CHEK1: variants seen among roughly 807,000 people sequenced by gnomAD.
The protein encoded by CHEK1 is serine/threonine-protein kinase Chk1.
A neutral mutation model predicts 60.2 loss-of-function variants in CHEK1; 32 were observed. The observed-to-expected ratio is 0.53, with a 90% CI of 0.40 to 0.71. The LOEUF (loss-of-function observed/expected upper bound fraction) is 0.71, where lower values mean the gene tolerates loss of function less well. CHEK1 is among the 30% of genes least tolerant of loss of function. CHEK1 has a pLI of 0.00. For synonymous variants in CHEK1, 179 were observed against 187.2 expected (o/e 0.96, Z 0.36); for missense variants, 399 against 564.6 (o/e 0.71, Z 2.97).
intron 9 of CHEK1, 66 bp downstream of exon 9, chr11:125,643,966 GTGT>G (rs1380296069): frequency 6.5e-7 from 1 of 1,528,826 alleles, no homozygotes; most frequent in African/African-American, 1.4e-5. Flanking sequence ...ATACATGTAT[GTGT>G]TTTTTCATAA....
chr11:125,672,633 AT>A, intron 13 of CHEK1: 2 of 1,614,148 alleles, frequency 1.2e-6, no homozygotes, highest in Non-Finnish European at 1.7e-6. Context: ...ACAGCATATA[AT>A]TTGCATCCTC....
chr11:125,667,116 T>C (rs1359194425), intron 13 of CHEK1, among the ~76,000 whole-genome samples: 1 of 152,162 alleles, frequency 6.6e-6, no homozygotes, highest in Non-Finnish European at 1.5e-5. Flanking sequence ...GCAGTAAGCA[T>C]AGTACCCAAC....
At chr11:125,676,298 C>G, downstream of CHEK1, 1 of 1,593,876 alleles carries the variant, frequency 6.3e-7, no homozygotes, top group Non-Finnish European at 8.6e-7. Flanking sequence ...CCAACTGCCC[C>G]CTACCAGAAG....
At chr11:125,660,449 C>G (rs1454285111), downstream of CHEK1, among the ~76,000 whole-genome samples, 1 of 152,052 alleles carries the variant, frequency 6.6e-6, no homozygotes. Flanking sequence ...TACACTCAAG[C>G]TCCTAGGCTC....
intron 13 of CHEK1, among the ~76,000 whole-genome samples, chr11:125,668,230 G>A (rs763832465): frequency 3.9e-5 from 6 of 152,076 alleles, no homozygotes; most frequent in Non-Finnish European, 7.4e-5. Flanking sequence ...GATCATGCAT[G>A]GTTTTCATGT....
chr11:125,629,386 C>G lies in CHEK1; in HGVS notation c.355-5C>G, dbSNP rs1290960840. The G allele has an allele frequency of 1.2e-6, 2 of 1,613,752 alleles. No individual in the cohort carries two copies. Among genetic ancestry groups the G allele is most frequent in the Non-Finnish European group, 1.7e-6 (2 of 1,179,730 alleles). On this transcript the variant is annotated splice_polypyrimidine_tract_variant and splice_region_variant and intron_variant, in intron 4 of 12. Coordinates refer to ENST00000438015, the MANE Select transcript of CHEK1 (RefSeq NM_001114122.3). Reference sequence around the variant, plus strand: ...CTAGTGTGTTTCTCTCTGCATCCCTCTTAGGTTTATCTGCATGGTATTGGA... The same window carrying G: ...CTAGTGTGTTTCTCTCTGCATCCCTGTTAGGTTTATCTGCATGGTATTGGA...
chr11:125,629,156 A>C, intron 3 of CHEK1, 76 bp from the exon 4 acceptor site: 1 of 1,420,560 alleles, frequency 7.0e-7, no homozygotes, highest in Non-Finnish European at 9.9e-7. Flanking sequence ...TAAATGTCTA[A>C]GCTTCAAATT....
At chr11:125,662,802 C>T (rs528578057) in intron 13 of CHEK1, among the ~76,000 whole-genome samples, 2 of 152,292 alleles carry the variant, frequency 1.3e-5, no homozygotes, top group East Asian at 3.9e-4. Context: ...AAAACTGCCA[C>T]TCATTTCCAG....
chr11:125,638,228 C>T (rs1244493419), intron 8 of CHEK1, among the ~76,000 whole-genome samples: 1 of 152,134 alleles, frequency 6.6e-6, no homozygotes, highest in Non-Finnish European at 1.5e-5. Flanking sequence ...AAATATTTCT[C>T]TGACTTCCTT....
At position 125,635,475 on chromosome 11, in the gene CHEK1, C is replaced by T. The variant is rs1445875437; in HGVS notation, c.660C>T (p.Asp220=). The change falls in exon 7 of 13, where the codon GAC becomes GAT. Residue 220 remains aspartate, a synonymous_variant. Coordinates refer to ENST00000438015, the MANE Select transcript of CHEK1 (RefSeq NM_001114122.3). ...QPSDSCQEYS[D]WKEKKTYLNP... ...GTGACAGCTGTCAGGAGTATTCTGACTGGAAAGAAAAAAAAACATACCTCA... is the reference window on the plus strand; with the variant it reads ...GTGACAGCTGTCAGGAGTATTCTGATTGGAAAGAAAAAAAAACATACCTCA... 6.2e-7 allele frequency: 1 copy of T among 1,606,778 alleles called. No homozygotes were observed. The highest frequency in any genetic ancestry group is 2.2e-5 in the East Asian group (1 of 44,612).
chr11:125,646,106 C>A (rs936929563), intron 11 of CHEK1, among the ~76,000 whole-genome samples: 4 of 151,992 alleles, frequency 2.6e-5, no homozygotes, highest in Non-Finnish European at 4.4e-5. Context: ...GAAAAAAAAA[C>A]AAAACACCTC....
At chr11:125,648,938 C>T (rs1941607955) in intron 11 of CHEK1, among the ~76,000 whole-genome samples, 1 of 152,104 alleles carries the variant, frequency 6.6e-6, no homozygotes, top group Non-Finnish European at 1.5e-5. Flanking sequence ...TCTCAGCCTC[C>T]TAAGTAGCTG....
At chr11:125,658,018 T>A (rs1941950593), downstream of CHEK1, among the ~76,000 whole-genome samples, 1 of 152,198 alleles carries the variant, frequency 6.6e-6, no homozygotes, top group Non-Finnish European at 1.5e-5. Context: ...TATTCCAAAT[T>A]TTCACCTACA....
In CHEK1 at chr11:125,655,880, A is replaced by T. The variant is rs1020269576; in HGVS notation, c.*560A>T. The T allele has an allele frequency of 1.7e-4, 35 of 210,812 alleles. No individual in the cohort carries two copies. The highest frequency in any genetic ancestry group is 7.9e-4 in the African/African-American group (35 of 44,160). The allele number at this position is 210,812 out of a possible 1,614,324, so 13.1% of individuals were successfully genotyped here. A position where few individuals can be genotyped will look rare whatever the true frequency, so the allele number is the denominator to read the frequency against. ...TTTTGAATTATAATGATTAATTAAA[A>T]TTGCAAGTAGGTGTTTTTTCCAGTG... is the stretch of plus-strand genomic sequence containing the variant. On this transcript the variant is annotated 3_prime_UTR_variant, in exon 13 of 13. Transcript: ENST00000438015.
intron 1 of CHEK1, chr11:125,626,428 T>C (rs920919607): frequency 5.4e-5 from 24 of 444,822 alleles, no homozygotes; most frequent in African/African-American, 4.3e-4. Context: ...CCCCCACCTC[T>C]CCCTCCTCCT....
chr11:125,625,599 C>T lies in CHEK1; in HGVS notation c.-434C>T, dbSNP rs1207734504. The T allele has an allele frequency of 1.7e-6, 1 of 595,348 alleles. No individual in the cohort carries two copies. Among genetic ancestry groups the T allele is most frequent in the East Asian group, 2.8e-5 (1 of 36,174 alleles). The allele number at this position is 595,348 out of a possible 1,614,324, so 36.9% of individuals were successfully genotyped here. A position where few individuals can be genotyped will look rare whatever the true frequency, so the allele number is the denominator to read the frequency against. On this transcript the variant is annotated 5_prime_UTR_variant, in exon 1 of 13. Coordinates refer to ENST00000438015, the MANE Select transcript of CHEK1 (RefSeq NM_001114122.3). ...TGCAGCCTTTCAGGCCCAGAGCGGC[C>T]AGGAGCGAAGCCCGCAGCCCCGCCT...
rs1941916801 is a variant in CHEK1, at chr11:125,656,867, G to C, written c.*1547G>C. ...TTGCTGTGGGAATTTGTATAGAATG[G>C]TGGGAAAATTTCAAGTTTCATATTT... On this transcript the variant is annotated 3_prime_UTR_variant, in exon 13 of 13. Transcript: ENST00000438015. 4.8e-6 allele frequency: 1 copy of C among 210,068 alleles called. No individual in the cohort carries two copies. Among genetic ancestry groups the C allele is most frequent in the South Asian group, 1.9e-4 (1 of 5,334 alleles). 13.0% of individuals were successfully genotyped at this position (210,068 alleles called of 1,614,324 possible).
intron 11 of CHEK1, among the ~76,000 whole-genome samples, chr11:125,648,396 C>A (rs1941579590): frequency 6.6e-6 from 1 of 152,102 alleles, no homozygotes; most frequent in Non-Finnish European, 1.5e-5. Flanking sequence ...GCCTGGCCCA[C>A]ATAGTGAAAC....
downstream of CHEK1, chr11:125,676,416 C>T: frequency 6.2e-7 from 1 of 1,614,122 alleles, no homozygotes; most frequent in Non-Finnish European, 8.5e-7. Context: ...CAGGTTCCCT[C>T]TCCACGAAGA....
Sources: gnomAD v4.1 joint callset for allele counts (sites outside exome capture counted in the v4.1 genomes callset) on GRCh38, gnomAD v4.1.1 for gene constraint, MANE v1.5 for transcripts, NCBI Gene and HGNC (gene_info 2026-07-23, HGNC 2026-07-21) for gene names.